Variants in USP48 observed in about 807,000 individuals in gnomAD.
USP48 encodes ubiquitin carboxyl-terminal hydrolase 48.
Under a neutral mutation model 150.7 loss-of-function variants are expected in USP48, and 43 were observed. The observed-to-expected ratio is 0.29, with a 90% CI of 0.22 to 0.37. The LOEUF is 0.37. Ranked by LOEUF, USP48 falls within the 10% of genes least tolerant of loss-of-function variation. USP48 has a pLI of 1.00. For missense variants in USP48, 813 were observed against 1,249.6 expected, an observed-to-expected ratio of 0.65 and a Z score of 5.27; for synonymous variants, 396 against 425.9, an observed-to-expected ratio of 0.93 and a Z score of 0.86.
chr1:21,692,857 G>C lies in USP48; in HGVS notation c.2883+2209C>G, dbSNP rs143040920. On this transcript the variant is annotated intron_variant, in intron 23 of 26. Coordinates refer to ENST00000308271, the MANE Select transcript of USP48 (RefSeq NM_032236.8). ...AACACACGCTTCTAGAGAGAAGATG[G>C]AACAGGCCAACCAAGGCAGGGAGGC... 6.2e-4 allele frequency among the ~76,000 whole-genome samples: 95 copies of C among 152,258 alleles called. No individual in the cohort carries two copies. In the East Asian group the frequency reaches 0.012, roughly 19 times the overall value.
rs368722392 is a variant in USP48, at chr1:21,679,089, AT to A, written c.*327del. The A allele has an allele frequency of 4.9e-6, 2 of 411,372 alleles. No individual in the cohort carries two copies. Among genetic ancestry groups the A allele is most frequent in the East Asian group, 1.1e-4 (2 of 18,814 alleles). The allele number at this position is 411,372 out of a possible 1,614,324, so 25.5% of individuals were successfully genotyped here. Reference sequence around the variant, plus strand: ...GAGCAAGGAAATATAACAGAACTTTATTCCCCTCCCACGACTATAAATCTCA... The same window carrying A: ...GAGCAAGGAAATATAACAGAACTTTATCCCCTCCCACGACTATAAATCTCA... On this transcript the variant is annotated 3_prime_UTR_variant, in exon 27 of 27. Coordinates refer to ENST00000308271, the MANE Select transcript of USP48 (RefSeq NM_032236.8).
intron 25 of USP48, among the ~76,000 whole-genome samples, chr1:21,685,275 A>G (rs181586289): frequency 2.0e-5 from 3 of 150,356 alleles, no homozygotes; most frequent in Non-Finnish European, 4.4e-5. Flanking sequence ...TTTATTCCTA[A>G]GTATTTAATC....
rs1456830284 is a variant in USP48, at chr1:21,730,822, G to A, written c.1172-990C>T. ...TGTCGGCAGGCTAGAGTGCAGTGGCGCGATCTTGGCTCACTGCAACCTCTA... is the reference window on the plus strand; with the variant it reads ...TGTCGGCAGGCTAGAGTGCAGTGGCACGATCTTGGCTCACTGCAACCTCTA... On this transcript the variant is annotated intron_variant, in intron 9 of 26. Coordinates refer to ENST00000308271, the MANE Select transcript of USP48 (RefSeq NM_032236.8). 8.0e-5 allele frequency among the ~76,000 whole-genome samples: 12 copies of A among 150,002 alleles called. No homozygotes were observed. The East Asian group carries it at 9.9e-4, about 12-fold the overall frequency.
At position 21,701,599 on chromosome 1, in the gene USP48, T is replaced by A. The variant is rs756139028; in HGVS notation, c.2626A>T (p.Met876Leu). 5.6e-6 allele frequency: 9 copies of A among 1,613,556 alleles called. No homozygotes were observed. The highest frequency in any genetic ancestry group is 3.3e-5 in the Admixed American group (2 of 60,018). The change falls in exon 22 of 27, where the codon ATG (methionine) becomes TTG (leucine). Residue 876 changes from methionine (M) to leucine (L), a missense_variant. Physicochemically the swap from Met to Leu is conservative, Grantham distance 15. Transcript: ENST00000308271. ...TTCAGTTCCGGAGCCGAATCCTTCA[T>A]CACCTGAATGTGCCAGGACAACAAA... ...VHKVVDNKKV[M>L]KDSAPELNVS...
At chr1:21,746,676 A>G (rs1260645583) in intron 8 of USP48, among the ~76,000 whole-genome samples, 1 of 152,182 alleles carries the variant, frequency 6.6e-6, no homozygotes, top group Non-Finnish European at 1.5e-5. Flanking sequence ...TATGCCACCT[A>G]ATGTTTCTGG....
In USP48 at chr1:21,705,856, G is replaced by A. The variant is rs774536521; in HGVS notation, c.2274-19C>T. 3.2e-6 allele frequency: 5 copies of A among 1,564,834 alleles called. No homozygotes were observed. The highest frequency in any genetic ancestry group is 2.8e-5 in the African/African-American group (2 of 72,688). On this transcript the variant is annotated intron_variant, in intron 18 of 26. Transcript: ENST00000308271. ...AGGCTTTCTACTCAAATGAGACAAG[G>A]AGGAGAAATATACCTAATTACTGCA...
chr1:21,729,424 A>G (rs6664218), intron 10 of USP48, among the ~76,000 whole-genome samples: 111,596 of 152,104 alleles, frequency 0.73, 41,429 homozygotes, highest in Admixed American at 0.81. Context: ...ATAGATAATT[A>G]AATAAAATTC....
rs1286157005 is a variant in USP48 at position 21,679,026 on chromosome 1, A to G, written c.*391T>C. The G allele has an allele frequency of 3.2e-6, 1 of 309,458 alleles. No homozygotes were observed. The highest frequency in any genetic ancestry group is 9.8e-5 in the East Asian group (1 of 10,190). The allele number at this position is 309,458 out of a possible 1,614,324, so 19.2% of individuals were successfully genotyped here. ...CAGAATGTTGTCCCATCTACTTGAT[A>G]CAATCCTTTATGGACCAACGCATCT... On this transcript the variant is annotated 3_prime_UTR_variant, in exon 27 of 27. Coordinates refer to ENST00000308271, the MANE Select transcript of USP48 (RefSeq NM_032236.8).
intron 8 of USP48, among the ~76,000 whole-genome samples, chr1:21,740,867 C>T (rs189038776): frequency 3.3e-5 from 5 of 152,140 alleles, no homozygotes; most frequent in Admixed American, 2.6e-4. Flanking sequence ...TCACAGTCAC[C>T]GACAGTCAAA....
intron 6 of USP48, among the ~76,000 whole-genome samples, chr1:21,750,378 G>T (rs917848574): frequency 6.6e-6 from 1 of 151,856 alleles, no homozygotes. Context: ...AAACTCCACC[G>T]ACTCCAGCCT....
At chr1:21,717,440 A>T (rs1272363886) in intron 14 of USP48, among the ~76,000 whole-genome samples, 12 of 76,574 alleles carry the variant, frequency 1.6e-4, no homozygotes, top group African/African-American at 3.6e-4. Flanking sequence ...CAAAACAAAT[A>T]AAAAAAAACC....
intron 26 of USP48, 64 bp downstream of exon 26, chr1:21,680,744 C>CTTT: frequency 1.4e-6 from 2 of 1,467,074 alleles, no homozygotes; most frequent in Non-Finnish European, 1.8e-6. Flanking sequence ...ATAGCCTTCG[C>CTTT]TTTAACAGAA....
intron 4 of USP48, 151 bp from the exon 5 acceptor site, chr1:21,752,802 C>T: frequency 8.3e-7 from 1 of 1,201,856 alleles, no homozygotes; most frequent in Non-Finnish European, 1.1e-6. Flanking sequence ...CAGTTTGTGC[C>T]CCCATATGAA....
chr1:21,744,285 A>C (rs1348297291), intron 8 of USP48, among the ~76,000 whole-genome samples: 1 of 151,818 alleles, frequency 6.6e-6, no homozygotes, highest in Non-Finnish European at 1.5e-5. Context: ...ATCTCTACTA[A>C]AGATACAAAA....
intron 22 of USP48, 122 bp from the exon 23 acceptor site, chr1:21,695,343 A>G (rs900137444): frequency 9.7e-7 from 1 of 1,034,986 alleles, no homozygotes; most frequent in African/African-American, 1.6e-5. Context: ...TTTGAAATTC[A>G]ATGTAAACAA....
At chr1:21,772,835 T>C (rs1018601263) in intron 1 of USP48, among the ~76,000 whole-genome samples, 7 of 144,602 alleles carry the variant, frequency 4.8e-5, no homozygotes, top group African/African-American at 1.8e-4. Context: ...AGCAAAAGAA[T>C]AGCTCGAATC....
At chr1:21,741,984 A>G (rs996369968) in intron 8 of USP48, among the ~76,000 whole-genome samples, 1 of 152,086 alleles carries the variant, frequency 6.6e-6, no homozygotes, top group Non-Finnish European at 1.5e-5. Flanking sequence ...AAAATAATTT[A>G]GGAGAGTGTC....
intron 23 of USP48, among the ~76,000 whole-genome samples, chr1:21,692,002 A>G (rs909870612): frequency 2.6e-5 from 4 of 152,126 alleles, no homozygotes; most frequent in African/African-American, 9.7e-5. Context: ...TCACAAATCA[A>G]CCTTGAACTG....
intron 23 of USP48, among the ~76,000 whole-genome samples, chr1:21,694,845 C>T (rs547816995): frequency 6.6e-6 from 1 of 152,208 alleles, no homozygotes; most frequent in East Asian, 1.9e-4. Flanking sequence ...AAGTGGTTCC[C>T]AGCGTTTCTC....
Sources: allele counts gnomAD v4.1 joint callset (sites outside exome capture counted in the v4.1 genomes callset), GRCh38; gene constraint gnomAD v4.1.1; transcripts MANE v1.5; gene names NCBI Gene and HGNC (gene_info 2026-07-23, HGNC 2026-07-21).